SLC22A7: variants seen among roughly 807,000 people sequenced by gnomAD.
SLC22A7 encodes the protein hOAT2.
In SLC22A7, 48 loss-of-function variants were observed where a neutral mutation model predicts 62.2. The ratio of observed to expected loss-of-function variants is 0.77; its 90% CI spans 0.61 to 0.98. The LOEUF is 0.98. SLC22A7 is among the 50% of genes least tolerant of loss of function. SLC22A7 has a pLI of 0.00. For synonymous variants in SLC22A7, 276 were observed against 314.8 expected, an observed-to-expected ratio of 0.88 and a Z score of 1.30; for missense variants, 581 against 703.8, an observed-to-expected ratio of 0.83 and a Z score of 1.97.
Position 43,301,134 on chromosome 6 carries a change from G to A in SLC22A7, c.828-1G>A, listed in dbSNP as rs370509415. 3.9e-5 allele frequency: 63 copies of A among 1,614,068 alleles called. No homozygotes were observed. Among genetic ancestry groups the A allele is most frequent in the Non-Finnish European group, 5.1e-5 (60 of 1,180,032 alleles). On this transcript the variant is annotated splice_acceptor_variant, in intron 5 of 10. Coordinates refer to ENST00000372585, the MANE Select transcript of SLC22A7 (RefSeq NM_153320.2). LOFTEE classifies it high-confidence loss of function. ...CTGATGGACCTTCTGCCTATTCCTA[G>A]GTGGGTGCCTGAGTCTGCACGCTGG...
intron 9 of SLC22A7, among the ~76,000 whole-genome samples, chr6:43,303,643 T>A (rs1778837959): frequency 1.3e-5 from 2 of 151,968 alleles, no homozygotes; most frequent in Non-Finnish European, 2.9e-5. Context: ...AGCTAGCTAC[T>A]GAGAGGTGGG....
In SLC22A7 at chr6:43,305,018, A is replaced by T; in HGVS notation, c.*293A>T. The T allele has an allele frequency of 3.4e-6, 1 of 294,860 alleles. No individual in the cohort carries two copies. The highest frequency in any genetic ancestry group is 6.2e-6 in the Non-Finnish European group (1 of 160,036). 18.3% of individuals were successfully genotyped at this position (294,860 alleles called of 1,614,324 possible). A position where few individuals can be genotyped will look rare whatever the true frequency, so the allele number is the denominator to read the frequency against. ...TGACGAGCTGTGGGAAGAGCCCTGGATAGGAAGCCACTGAGTCTGCCCTGG... is the reference window on the plus strand; with the variant it reads ...TGACGAGCTGTGGGAAGAGCCCTGGTTAGGAAGCCACTGAGTCTGCCCTGG... On this transcript the variant is annotated 3_prime_UTR_variant, in exon 11 of 11. Transcript: ENST00000372585.
intron 7 of SLC22A7, 25 bp downstream of exon 7, chr6:43,301,717 C>A: frequency 2.6e-6 from 4 of 1,552,872 alleles, no homozygotes; most frequent in Non-Finnish European, 2.7e-6. Flanking sequence ...TTGGGTCTGG[C>A]ATGGGTGTGG....
rs759272463 is a variant in SLC22A7, at chr6:43,302,377, G to C, written c.1239G>C (p.Thr413=). The C allele has an allele frequency of 4.3e-6, 7 of 1,610,132 alleles. No homozygotes were observed. The South Asian group carries it at 7.7e-5, about 18-fold the overall frequency. Residue 413 remains threonine (T), a synonymous_variant, in exon 8 of 11, where the codon ACG becomes ACC. Transcript: ENST00000372585. This position sits in a 1 kb window ranked among gnomAD's most constrained non-coding sequence, Gnocchi z 5.0. The part of the protein sequence containing the change: ...RLTQAGTLLG[T]ALAFGTRLLV... ...CGCAAGCCGGGACACTGCTGGGCAC[G>C]GCCCTGGCGTTCGGCACTAGACTGC...
At position 43,301,610 on chromosome 6, in the gene SLC22A7, C is replaced by T. The variant is rs36040909; in HGVS notation, c.979C>T (p.Arg327Trp). Residue 327 changes from arginine (R) to tryptophan (W), a missense_variant, in exon 7 of 11, where the codon CGG becomes TGG. By Grantham distance (101) the Arg-to-Trp change is moderately radical. Transcript: ENST00000372585. ...EAVSKVAAGE[R>W]VVRRPSYLDL... ...TGTGAGCAAAGTGGCCGCCGGGGAA[C>T]GGGTGGTCCGAAGACCTTCATACCT... The T allele has an allele frequency of 1.5e-4, 235 of 1,614,120 alleles. 1 individual carries two copies. The African/African-American group carries it at 2.6e-3, about 18-fold the overall frequency.
upstream of SLC22A7, chr6:43,295,891 AG>A (rs970008360): frequency 5.3e-5 from 8 of 152,194 alleles, no homozygotes; most frequent in Non-Finnish European, 1.2e-4. Context: ...CTCTGGAGAA[AG>A]GGGCTGCAGA....
chr6:43,300,675 C>T (rs1332949428), intron 5 of SLC22A7, among the ~76,000 whole-genome samples: 5 of 152,104 alleles, frequency 3.3e-5, no homozygotes, highest in East Asian at 1.9e-4. Context: ...CTTGCTCTGT[C>T]GCTGGAGTAC....
At chr6:43,301,557 TACA>T in intron 6 of SLC22A7, 23 bp from the exon 7 acceptor site, 1 of 1,585,890 alleles carries the variant, frequency 6.3e-7, no homozygotes, top group East Asian at 2.2e-5. Flanking sequence ...ACTCTGATGT[TACA>T]ACCTCACCTC....
intron 10 of SLC22A7, 41 bp from the exon 11 acceptor site, chr6:43,304,630 G>A (rs778073692): frequency 6.3e-7 from 1 of 1,584,260 alleles, no homozygotes; most frequent in East Asian, 2.3e-5. Flanking sequence ...GTAGGCTCGG[G>A]GATTAAACCC....
intron 9 of SLC22A7, chr6:43,303,235 C>T (rs921426465): frequency 1.5e-5 from 13 of 846,006 alleles, no homozygotes; most frequent in African/African-American, 7.4e-5. Context: ...CCAAGGCGGG[C>T]GGATCACTGA....
intron 10 of SLC22A7, 133 bp from the exon 11 acceptor site, chr6:43,304,538 T>C (rs983987317): frequency 2.8e-6 from 2 of 724,090 alleles, no homozygotes; most frequent in Non-Finnish European, 4.8e-6. Flanking sequence ...TACAAGCATG[T>C]GTGTGAGTCA....
At chr6:43,300,984 T>C (rs1778721172) in intron 5 of SLC22A7, 151 bp from the exon 6 acceptor site, 2 of 954,658 alleles carry the variant, frequency 2.1e-6, no homozygotes, top group East Asian at 2.5e-5. Context: ...TAAGAGCTCA[T>C]CAAGTGTGGA....
chr6:43,302,074 CG>C lies in SLC22A7; in HGVS notation c.1062-120del, dbSNP rs979979439. ...TTATGGATGTCAGGGAAGGTCCTGGCGGGGGGACCGGGGGTTGCAGAGACAG... is the reference window on the plus strand; with the variant it reads ...TTATGGATGTCAGGGAAGGTCCTGGCGGGGGACCGGGGGTTGCAGAGACAG... On this transcript the variant is annotated intron_variant, in intron 7 of 10. Coordinates refer to ENST00000372585, the MANE Select transcript of SLC22A7 (RefSeq NM_153320.2). The surrounding 1 kb of genome is among the most constrained non-coding windows in gnomAD (Gnocchi z 5.0). 26 of 812,596 alleles carry C rather than the reference CG, an allele frequency of 3.2e-5. No homozygotes were observed. In the Admixed American group the frequency reaches 3.2e-4, roughly 10 times the overall value. 50.3% of individuals were successfully genotyped at this position (812,596 alleles called of 1,614,324 possible). A position where few individuals can be genotyped will look rare whatever the true frequency, so the allele number is the denominator to read the frequency against.
At chr6:43,296,600 C>CT (rs1778569492), upstream of SLC22A7, among the ~76,000 whole-genome samples, 1 of 152,188 alleles carries the variant, frequency 6.6e-6, no homozygotes, top group Non-Finnish European at 1.5e-5. Flanking sequence ...TTGAGCTGGT[C>CT]TTCAGGGAGG....
intron 9 of SLC22A7, 152 bp from the exon 10 acceptor site, chr6:43,303,886 G>T: frequency 3.3e-6 from 2 of 606,568 alleles, no homozygotes; most frequent in East Asian, 3.0e-5. Flanking sequence ...GAAGGTGGGT[G>T]GGAAGACCAA....
intron 1 of SLC22A7, 39 bp downstream of exon 1, chr6:43,298,790 T>A: frequency 6.6e-7 from 1 of 1,516,076 alleles, no homozygotes; most frequent in Non-Finnish European, 8.8e-7. Context: ...GTGAGAGGGA[T>A]GGGCCTGCCA....
At chr6:43,301,542 A>G (rs550895238) in intron 6 of SLC22A7, 41 bp from the exon 7 acceptor site, 1 of 1,496,196 alleles carries the variant, frequency 6.7e-7, no homozygotes, top group Admixed American at 1.7e-5. Context: ...GAGATCACAT[A>G]GCCAACTCTG....
intron 5 of SLC22A7, 89 bp from the exon 6 acceptor site, chr6:43,301,046 G>A (rs1317561489): frequency 1.9e-6 from 3 of 1,544,444 alleles, no homozygotes; most frequent in South Asian, 1.2e-5. Context: ...ATGAGCAAGA[G>A]CCTGGAAGTT....
chr6:43,299,937 G>A lies in SLC22A7; in HGVS notation c.698G>A (p.Gly233Glu). 6.2e-7 allele frequency: 1 copy of A among 1,614,190 alleles called. No homozygotes were observed. The highest frequency in any genetic ancestry group is 8.5e-7 in the Non-Finnish European group (1 of 1,180,030). The change falls in exon 5 of 11, where the codon GGA (glycine) becomes GAA (glutamate). Residue 233 changes from glycine to glutamate, a missense_variant. Physicochemically the swap from Gly to Glu is moderately conservative, Grantham distance 98. Transcript: ENST00000372585. The surrounding 1 kb of genome is among the most constrained non-coding windows in gnomAD (Gnocchi z 4.4). ...WLDVEHRTVA[G>E]VLSSTFWTGG... The stretch of plus-strand genomic sequence containing the variant: ...GATGTGGAGCACCGCACCGTGGCTG[G>A]AGTCCTGAGCAGCACCTTCTGGACA...
Sources: gnomAD v4.1 joint callset for allele counts (sites outside exome capture counted in the v4.1 genomes callset) on GRCh38, gnomAD v4.1.1 for gene constraint, Gnocchi (gnomAD v3.1) non-coding constraint, MANE v1.5 for transcripts, NCBI Gene and HGNC (gene_info 2026-07-23, HGNC 2026-07-21) for gene names.